Variants in MEGF9 observed in about 807,000 individuals in gnomAD.
The protein encoded by MEGF9 is multiple EGF like domains 9.
Under a neutral mutation model 46.8 loss-of-function variants are expected in MEGF9, and 6 were observed. That is an observed-to-expected ratio of 0.13 (90% CI 0.07 to 0.25). The LOEUF is 0.25. MEGF9 is among the 10% of genes least tolerant of loss of function. The probability of loss-of-function intolerance (pLI) is 1.00; values close to 1 mark genes in which losing one functional copy is unlikely to be tolerated. For synonymous variants in MEGF9, 302 were observed against 330.7 expected, an observed-to-expected ratio of 0.91 and a Z score of 0.94; for missense variants, 683 against 792.4, an observed-to-expected ratio of 0.86 and a Z score of 1.66.
In MEGF9 at chr9:120,694,360, G is replaced by A. The variant is rs1014180493; in HGVS notation, c.601+19398C>T. Among the ~76,000 whole-genome samples the A allele has an allele frequency of 2.0e-5, 3 of 152,154 alleles. No individual in the cohort carries two copies. In the East Asian group the frequency reaches 5.8e-4, roughly 29 times the overall value. On this transcript the variant is annotated intron_variant, in intron 1 of 5. Coordinates refer to ENST00000373930, the MANE Select transcript of MEGF9 (RefSeq NM_001080497.3). ...ACACTGCTTATCAACAGAATTGAGAGGATTAGAGGTAATGAAGAATTTAAA... is the reference window on the plus strand; with the variant it reads ...ACACTGCTTATCAACAGAATTGAGAAGATTAGAGGTAATGAAGAATTTAAA...
chr9:120,611,865 A>AGAGAGAGAGAGAGAGAGAGAG (rs572613293), intron 4 of MEGF9, among the ~76,000 whole-genome samples: 1 of 137,152 alleles, frequency 7.3e-6, no homozygotes, highest in African/African-American at 3.0e-5. Context: ...GGAAGGAAGA[A>AGAGAGAGAGAGAGAGAGAGAG]AGAGAGAGAG....
chr9:120,703,503 TA>T (rs1448921503), intron 1 of MEGF9, among the ~76,000 whole-genome samples: 2 of 152,274 alleles, frequency 1.3e-5, no homozygotes, highest in Non-Finnish European at 2.9e-5. Flanking sequence ...ACGATGTACG[TA>T]AAAAAATCCT....
chr9:120,608,897 G>T (rs968890384), intron 4 of MEGF9, among the ~76,000 whole-genome samples: 1 of 152,160 alleles, frequency 6.6e-6, no homozygotes, highest in African/African-American at 2.4e-5. Context: ...ATCCACGGAT[G>T]TCTCTTTCCA....
chr9:120,674,287 C>T (rs1388662116), intron 1 of MEGF9, among the ~76,000 whole-genome samples: 1 of 151,990 alleles, frequency 6.6e-6, no homozygotes, highest in Non-Finnish European at 1.5e-5. Flanking sequence ...ACCCTGAAAA[C>T]CCAACAATAA....
At chr9:120,695,603 C>CAAAAAAAAAAAAAAAAAAAAAA (rs370281228) in intron 1 of MEGF9, among the ~76,000 whole-genome samples, 3 of 18,688 alleles carry the variant, frequency 1.6e-4, no homozygotes, top group African/African-American at 3.6e-4. Flanking sequence ...GACCCCATCT[C>CAAAAAAAAAAAAAAAAAAAAAA]AAAAAAAAAA....
At chr9:120,629,908 G>A (rs996971728) in intron 2 of MEGF9, among the ~76,000 whole-genome samples, 2 of 151,812 alleles carry the variant, frequency 1.3e-5, no homozygotes, top group Non-Finnish European at 2.9e-5. Context: ...ACTCCAGCCT[G>A]GGCAACAGAG....
chr9:120,701,502 T>C (rs2043904824), intron 1 of MEGF9, among the ~76,000 whole-genome samples: 1 of 152,188 alleles, frequency 6.6e-6, no homozygotes, highest in Non-Finnish European at 1.5e-5. Context: ...TGCTTAGCTG[T>C]CTCCCTGGCA....
chr9:120,701,840 C>T (rs1327603685), intron 1 of MEGF9, among the ~76,000 whole-genome samples: 2 of 152,008 alleles, frequency 1.3e-5, no homozygotes, highest in Non-Finnish European at 2.9e-5. Flanking sequence ...GTCAGGAGAT[C>T]GAGACCATCC....
intron 2 of MEGF9, among the ~76,000 whole-genome samples, chr9:120,651,299 C>A (rs2043648248): frequency 6.6e-6 from 1 of 152,112 alleles, no homozygotes. Flanking sequence ...AAGTCTGCAC[C>A]ACAGCATTGA....
intron 1 of MEGF9, among the ~76,000 whole-genome samples, chr9:120,670,479 C>T (rs1007891262): frequency 2.0e-5 from 3 of 152,292 alleles, no homozygotes; most frequent in Non-Finnish European, 4.4e-5. Context: ...ATATAAAGAC[C>T]TAGTGTGTTA....
intron 2 of MEGF9, among the ~76,000 whole-genome samples, chr9:120,625,682 A>C (rs1198847603): frequency 6.6e-6 from 1 of 151,818 alleles, no homozygotes; most frequent in Non-Finnish European, 1.5e-5. Flanking sequence ...AAAAATACAA[A>C]AATTAGCAGG....
intron 2 of MEGF9, among the ~76,000 whole-genome samples, chr9:120,630,765 G>A (rs1314096850): frequency 2.0e-5 from 3 of 152,180 alleles, no homozygotes; most frequent in African/African-American, 7.2e-5. Flanking sequence ...GATTAGTGAT[G>A]TTGAGTACTT....
chr9:120,618,897 CAA>C (rs1313292513), intron 3 of MEGF9, among the ~76,000 whole-genome samples: 10 of 104,106 alleles, frequency 9.6e-5, no homozygotes, highest in African/African-American at 1.0e-4. Flanking sequence ...GACTCGGTCT[CAA>C]AAAAAAAAAA....
chr9:120,666,653 C>G (rs1398167052), intron 1 of MEGF9, among the ~76,000 whole-genome samples: 2 of 152,084 alleles, frequency 1.3e-5, no homozygotes, highest in Non-Finnish European at 2.9e-5. Flanking sequence ...AGGTATTTAT[C>G]TGAGGGAAAT....
At chr9:120,666,214 T>C (rs1451703315) in intron 1 of MEGF9, among the ~76,000 whole-genome samples, 2 of 152,246 alleles carry the variant, frequency 1.3e-5, no homozygotes, top group Non-Finnish European at 2.9e-5. Flanking sequence ...TACTGTTATC[T>C]ATTAAGAATA....
chr9:120,624,188 T>G (rs1027604725), intron 2 of MEGF9, among the ~76,000 whole-genome samples: 1 of 152,216 alleles, frequency 6.6e-6, no homozygotes, highest in African/African-American at 2.4e-5. Flanking sequence ...ATAAAGTAGT[T>G]GTCTGAGTGT....
intron 1 of MEGF9, among the ~76,000 whole-genome samples, chr9:120,666,868 T>C (rs2043727441): frequency 1.3e-5 from 2 of 152,272 alleles, no homozygotes; most frequent in East Asian, 3.9e-4. Context: ...AAATGCATTA[T>C]GCTAAATGAA....
intron 2 of MEGF9, among the ~76,000 whole-genome samples, chr9:120,625,822 ACT>A (rs2043522186): frequency 8.2e-6 from 1 of 122,642 alleles, no homozygotes; most frequent in African/African-American, 3.2e-5. Flanking sequence ...TGACAGCAAG[ACT>A]CTGTCTCACA....
At chr9:120,628,097 T>C (rs1303065279) in intron 2 of MEGF9, among the ~76,000 whole-genome samples, 4 of 152,170 alleles carry the variant, frequency 2.6e-5, no homozygotes, top group African/African-American at 9.7e-5. Flanking sequence ...AAAAGGTAGC[T>C]AGAAAAAGTT....
Sources: gnomAD v4.1 joint callset for allele counts (sites outside exome capture counted in the v4.1 genomes callset) on GRCh38, gnomAD v4.1.1 for gene constraint, MANE v1.5 for transcripts, NCBI Gene and HGNC (gene_info 2026-07-23, HGNC 2026-07-21) for gene names.